Variants in KCNIP4 observed in about 807,000 individuals in gnomAD.
KCNIP4 encodes the protein potassium voltage-gated channel interacting protein 4, also known as Kv channel-interacting protein 4.
A neutral mutation model predicts 34.0 loss-of-function variants in KCNIP4; 12 were observed. The ratio of observed to expected loss-of-function variants is 0.35; its 90% CI spans 0.23 to 0.57. KCNIP4 has a LOEUF of 0.57. Among genes scored for constraint, KCNIP4 ranks in the 20% least tolerant of loss-of-function variants. The pLI is 0.83. For missense variants in KCNIP4, 238 were observed against 311.7 expected, an observed-to-expected ratio of 0.76 and a Z score of 1.78; for synonymous variants, 124 against 102.2, an observed-to-expected ratio of 1.21 and a Z score of -1.29.
intron 1 of KCNIP4, among the ~76,000 whole-genome samples, chr4:21,665,400 G>C (rs2108997341): frequency 6.6e-6 from 1 of 152,112 alleles, no homozygotes; most frequent in South Asian, 2.1e-4. Context: ...ATGGAATATT[G>C]TAGTAGGTGA....
chr4:21,102,220 A>G (rs990102661), intron 1 of KCNIP4, among the ~76,000 whole-genome samples: 13 of 152,176 alleles, frequency 8.5e-5, no homozygotes, highest in African/African-American at 2.9e-4. Context: ...TCATTATTTT[A>G]TATGTTGTAT....
chr4:21,546,495 G>A (rs1841373), intron 1 of KCNIP4, among the ~76,000 whole-genome samples: 5 of 151,772 alleles, frequency 3.3e-5, no homozygotes, highest in African/African-American at 4.8e-5. Flanking sequence ...GCCATGAACC[G>A]AAAGATTGTA....
rs953854904 is a variant in KCNIP4 at position 21,773,754 on chromosome 4, T to G, written c.61+174817A>C. 6.3e-3 allele frequency among the ~76,000 whole-genome samples: 907 copies of G among 143,860 alleles called. 16 individuals are homozygous for G. Among genetic ancestry groups the G allele is most frequent in the African/African-American group, 0.024 (804 of 34,192 alleles). The allele number at this position is 143,860 out of a possible 152,430, so 94.4% of individuals were successfully genotyped here. On this transcript the variant is annotated intron_variant, in intron 1 of 8. Coordinates refer to ENST00000382152, the MANE Select transcript of KCNIP4 (RefSeq NM_025221.6). ...CCTGTTTTTTTTTGTTGTTTTTTTT[T>G]TTTTGTTTGTTTGTTTTTGTTTTGT...
chr4:21,367,283 A>T (rs1719880418), intron 1 of KCNIP4, among the ~76,000 whole-genome samples: 1 of 152,160 alleles, frequency 6.6e-6, no homozygotes, highest in Non-Finnish European at 1.5e-5. Flanking sequence ...CCAAATTAAC[A>T]TGCATGGACT....
intron 1 of KCNIP4, among the ~76,000 whole-genome samples, chr4:21,601,948 T>C (rs1389238374): frequency 6.6e-6 from 1 of 152,180 alleles, no homozygotes; most frequent in Non-Finnish European, 1.5e-5. Context: ...TACTGTGCTT[T>C]ATTTTCTTCA....
intron 1 of KCNIP4, among the ~76,000 whole-genome samples, chr4:21,615,676 G>A (rs1445501388): frequency 6.6e-6 from 1 of 152,136 alleles, no homozygotes; most frequent in Admixed American, 6.5e-5. Flanking sequence ...TAAAATGGAA[G>A]CTATTCCTGC....
intron 1 of KCNIP4, among the ~76,000 whole-genome samples, chr4:20,992,371 G>A (rs1259424869): frequency 6.6e-6 from 1 of 152,106 alleles, no homozygotes; most frequent in East Asian, 1.9e-4. Flanking sequence ...CAGCATGGGG[G>A]AAACCACTTC....
intron 1 of KCNIP4, among the ~76,000 whole-genome samples, chr4:21,700,565 TTTTG>T (rs1712753763): frequency 6.6e-6 from 1 of 152,092 alleles, no homozygotes; most frequent in South Asian, 2.1e-4. Context: ...TGTTGTTTTT[TTTTG>T]TTTGTTTTTT....
intron 1 of KCNIP4, among the ~76,000 whole-genome samples, chr4:21,799,744 T>C (rs1720871714): frequency 6.6e-6 from 1 of 152,206 alleles, no homozygotes; most frequent in Admixed American, 6.5e-5. Context: ...CTATGTCACA[T>C]GTCAACCATT....
At chr4:21,754,402 G>C (rs1717369382) in intron 1 of KCNIP4, among the ~76,000 whole-genome samples, 1 of 152,144 alleles carries the variant, frequency 6.6e-6, no homozygotes, top group Non-Finnish European at 1.5e-5. Context: ...AGCCAACTTG[G>C]TTAATTCATT....
chr4:21,546,888 AC>A lies in KCNIP4; in HGVS notation c.61+401682del, dbSNP rs200340389. Among the ~76,000 whole-genome samples, 1,515 of 152,256 alleles carry A rather than the reference AC, an allele frequency of 1.0e-2. 31 individuals carry two copies. Among genetic ancestry groups the A allele is most frequent in the Non-Finnish European group, 1.0e-2 (679 of 68,016 alleles). On this transcript the variant is annotated intron_variant, in intron 1 of 8. Transcript: ENST00000382152. ...CATTCTGGAGGTTTCAAGGGGCAGA[AC>A]TAAAAACTCCAGAAGAAAGAGAAAA...
At chr4:21,085,822 T>C (rs1011233422) in intron 1 of KCNIP4, among the ~76,000 whole-genome samples, 11 of 152,190 alleles carry the variant, frequency 7.2e-5, no homozygotes, top group African/African-American at 1.9e-4. Context: ...TGCTAGGACA[T>C]GTGAGAAGCC....
chr4:21,750,760 A>G (rs1047270920), intron 1 of KCNIP4, among the ~76,000 whole-genome samples: 3 of 152,100 alleles, frequency 2.0e-5, no homozygotes, highest in African/African-American at 7.2e-5. Flanking sequence ...CTCAACAGTT[A>G]TTTCGCGGAG....
intron 1 of KCNIP4, among the ~76,000 whole-genome samples, chr4:21,545,342 C>A (rs1324269821): frequency 6.6e-6 from 1 of 152,164 alleles, no homozygotes; most frequent in African/African-American, 2.4e-5. Flanking sequence ...GCCCTCGGGG[C>A]TGCTCTGCCC....
At chr4:21,050,988 A>T (rs949742331) in intron 1 of KCNIP4, among the ~76,000 whole-genome samples, 1 of 152,214 alleles carries the variant, frequency 6.6e-6, no homozygotes, top group Non-Finnish European at 1.5e-5. Flanking sequence ...TCCCAGCTAG[A>T]AAAACTTTTC....
At chr4:21,509,824 C>T (rs553799048) in intron 1 of KCNIP4, among the ~76,000 whole-genome samples, 11 of 152,062 alleles carry the variant, frequency 7.2e-5, no homozygotes, top group South Asian at 2.1e-4. Context: ...TCTTTAAGAA[C>T]GGCAACAATC....
intron 1 of KCNIP4, among the ~76,000 whole-genome samples, chr4:21,252,731 T>A (rs1418363828): frequency 6.6e-6 from 1 of 150,508 alleles, no homozygotes; most frequent in Non-Finnish European, 1.5e-5. Flanking sequence ...ATTAGAAATA[T>A]CCATCTTTCC....
chr4:21,083,809 C>T (rs1577662313), intron 1 of KCNIP4, among the ~76,000 whole-genome samples: 1 of 151,858 alleles, frequency 6.6e-6, no homozygotes, highest in East Asian at 1.9e-4. Flanking sequence ...AGGAAACTAG[C>T]ACAACTCTCT....
chr4:21,212,534 A>G (rs1311089837), intron 1 of KCNIP4, among the ~76,000 whole-genome samples: 1 of 152,198 alleles, frequency 6.6e-6, no homozygotes, highest in African/African-American at 2.4e-5. Flanking sequence ...ATCTGTTTGG[A>G]TTGCTACAAT....
Sources: allele counts gnomAD v4.1 joint callset (sites outside exome capture counted in the v4.1 genomes callset), GRCh38; gene constraint gnomAD v4.1.1; transcripts MANE v1.5; gene names NCBI Gene and HGNC (gene_info 2026-07-23, HGNC 2026-07-21).